Variants in KCNQ1OT1 observed in about 807,000 individuals in gnomAD.
KCNQ1OT1 encodes the protein KCNQ1 antisense RNA 2 (non-protein coding).
rs1002010868 is a variant in KCNQ1OT1 at position 2,621,992 on chromosome 11, T to C, written n.78003A>G. The C allele has an allele frequency of 1.8e-5, 7 of 398,300 alleles. No individual in the cohort carries two copies. Among genetic ancestry groups the C allele is most frequent in the African/African-American group, 1.4e-4 (7 of 48,622 alleles). 24.7% of individuals were successfully genotyped at this position (398,300 alleles called of 1,614,324 possible). On this transcript the variant is annotated non_coding_transcript_exon_variant, in exon 1 of 1. Coordinates refer to ENST00000597346, the Ensembl canonical transcript of KCNQ1OT1. The surrounding 1 kb of genome is among the most constrained non-coding windows in gnomAD (Gnocchi z 5.7). ...TTGAAATATCTCTTCTTTTTTAATG[T>C]AGGCAAGGCATTTATTGCTGTAAAC... is the stretch of plus-strand genomic sequence containing the variant.
chr11:2,620,948 GTT>G lies in KCNQ1OT1; in HGVS notation n.79045_79046del, dbSNP rs58203092. ...TTTTTTGTTGTTGTTGTTTTGTTTT[GTT>G]TTTTTTTGTCTGTTTTTTGCTTTTT... is the stretch of plus-strand genomic sequence containing the variant. On this transcript the variant is annotated non_coding_transcript_exon_variant, in exon 1 of 1. Coordinates refer to ENST00000597346, the Ensembl canonical transcript of KCNQ1OT1. The surrounding 1 kb of genome is among the most constrained non-coding windows in gnomAD (Gnocchi z 4.5). 2.9e-6 allele frequency: 1 copy of G among 343,498 alleles called. No homozygotes were observed. The highest frequency in any genetic ancestry group is 1.4e-4 in the South Asian group (1 of 7,082). 21.3% of individuals were successfully genotyped at this position (343,498 alleles called of 1,614,324 possible).
Position 2,661,610 on chromosome 11 carries a change from G to A in KCNQ1OT1, n.38385C>T. ...GTTGTCCCTTACCAGGCCTGTGCCTGTCACCTCTGTTTTATTCTTGACCCA... is the reference window on the plus strand; with the variant it reads ...GTTGTCCCTTACCAGGCCTGTGCCTATCACCTCTGTTTTATTCTTGACCCA... On this transcript the variant is annotated non_coding_transcript_exon_variant, in exon 1 of 1. Transcript: ENST00000597346. This position sits in a 1 kb window ranked among gnomAD's most constrained non-coding sequence, Gnocchi z 5.9. 2 of 581,674 alleles carry A rather than the reference G, an allele frequency of 3.4e-6. No individual in the cohort carries two copies. The highest frequency in any genetic ancestry group is 2.2e-5 in the South Asian group (1 of 44,802). The allele number at this position is 581,674 out of a possible 1,614,324, so 36.0% of individuals were successfully genotyped here.
Position 2,677,302 on chromosome 11 carries a change from C to A in KCNQ1OT1, n.22693G>T, listed in dbSNP as rs1467340805. ...ATCTTGTCAAAATAGGAGATTTCATCAAGTTAAAGAAAATGATGTCAAATG... is the reference window on the plus strand; with the variant it reads ...ATCTTGTCAAAATAGGAGATTTCATAAAGTTAAAGAAAATGATGTCAAATG... On this transcript the variant is annotated non_coding_transcript_exon_variant, in exon 1 of 1. Transcript: ENST00000597346. This position sits in a 1 kb window ranked among gnomAD's most constrained non-coding sequence, Gnocchi z 4.5. The A allele has an allele frequency of 2.5e-6, 1 of 398,434 alleles. No individual in the cohort carries two copies. Among genetic ancestry groups the A allele is most frequent in the Non-Finnish European group, 4.4e-6 (1 of 226,056 alleles). The allele number at this position is 398,434 out of a possible 1,614,324, so 24.7% of individuals were successfully genotyped here.
At chr11:2,630,631 T>A in exon 1 of KCNQ1OT1, 1 of 398,384 alleles carries the variant, frequency 2.5e-6, no homozygotes, top group Non-Finnish European at 4.4e-6. Context: ...ACCATTACAC[T>A]ATTAGAGTAT....
Position 2,686,250 on chromosome 11 carries a change from A to C in KCNQ1OT1, n.13745T>G, listed in dbSNP as rs1344040345. ...TTTAGGCCTTGGGATAGCACACAGC[A>C]AATGTCTGCCACCCCAGTACTGCCA... On this transcript the variant is annotated non_coding_transcript_exon_variant, in exon 1 of 1. Coordinates refer to ENST00000597346, the Ensembl canonical transcript of KCNQ1OT1. 1.0e-5 allele frequency: 4 copies of C among 398,642 alleles called. No homozygotes were observed. In the East Asian group the frequency reaches 1.4e-4, roughly 14 times the overall value. 24.7% of individuals were successfully genotyped at this position (398,642 alleles called of 1,614,324 possible). A position where few individuals can be genotyped will look rare whatever the true frequency, so the allele number is the denominator to read the frequency against.
At position 2,647,045 on chromosome 11, in the gene KCNQ1OT1, G is replaced by C. The variant is rs763116966; in HGVS notation, n.52950C>G. 2.5e-6 allele frequency: 1 copy of C among 398,528 alleles called. No individual in the cohort carries two copies. The highest frequency in any genetic ancestry group is 4.4e-6 in the Non-Finnish European group (1 of 226,044). 24.7% of individuals were successfully genotyped at this position (398,528 alleles called of 1,614,324 possible). A position where few individuals can be genotyped will look rare whatever the true frequency, so the allele number is the denominator to read the frequency against. ...CTGCTGAATAAGAATAGTGAAAGTG[G>C]GCATCCTTGTCTTGTTCTAGTTCTA... is the stretch of plus-strand genomic sequence containing the variant. On this transcript the variant is annotated non_coding_transcript_exon_variant, in exon 1 of 1. Coordinates refer to ENST00000597346, the Ensembl canonical transcript of KCNQ1OT1. This position sits in a 1 kb window ranked among gnomAD's most constrained non-coding sequence, Gnocchi z 4.0.
chr11:2,620,037 C>T lies in KCNQ1OT1; in HGVS notation n.79958G>A. 2.5e-6 allele frequency: 1 copy of T among 398,104 alleles called. No homozygotes were observed. Among genetic ancestry groups the T allele is most frequent in the South Asian group, 1.3e-4 (1 of 7,812 alleles). 24.7% of individuals were successfully genotyped at this position (398,104 alleles called of 1,614,324 possible). A position where few individuals can be genotyped will look rare whatever the true frequency, so the allele number is the denominator to read the frequency against. ...CTCCATTCCTCCCCCAAGTAGTCCC[C>T]AGTGTCTACTGATCATCTTTATGTC... On this transcript the variant is annotated non_coding_transcript_exon_variant, in exon 1 of 1. Transcript: ENST00000597346. The surrounding 1 kb of genome is among the most constrained non-coding windows in gnomAD (Gnocchi z 4.5).
rs537021544 is a variant in KCNQ1OT1 at position 2,663,079 on chromosome 11, A to G, written n.36916T>C. ...GAACTGGCAGGGTTGGGTAGCCAGA[A>G]TGAGGCCACCTCCAGGGAAGGAGTG... On this transcript the variant is annotated non_coding_transcript_exon_variant, in exon 1 of 1. Transcript: ENST00000597346. This position sits in a 1 kb window ranked among gnomAD's most constrained non-coding sequence, Gnocchi z 5.2. 3 of 398,708 alleles carry G rather than the reference A, an allele frequency of 7.5e-6. No homozygotes were observed. The Admixed American group carries it at 1.3e-4, about 18-fold the overall frequency. 24.7% of individuals were successfully genotyped at this position (398,708 alleles called of 1,614,324 possible).
chr11:2,697,914 C>T (rs2133900132), exon 1 of KCNQ1OT1: 1 of 398,628 alleles, frequency 2.5e-6, no homozygotes, highest in East Asian at 3.6e-5. Flanking sequence ...GAAACAGACC[C>T]ACTTTTCTCC....
exon 1 of KCNQ1OT1, chr11:2,699,771 G>T (rs998278640): frequency 5.0e-5 from 19 of 381,722 alleles, no homozygotes; most frequent in Non-Finnish European, 8.2e-5. Context: ...GCGCTGAGGA[G>T]CCCCGAGGAG....
Position 2,645,631 on chromosome 11 carries a change from C to T in KCNQ1OT1, n.54364G>A, listed in dbSNP as rs1849654397. 1 of 398,660 alleles carries T rather than the reference C, an allele frequency of 2.5e-6. No homozygotes were observed. Among genetic ancestry groups the T allele is most frequent in the Non-Finnish European group, 4.4e-6 (1 of 226,162 alleles). The allele number at this position is 398,660 out of a possible 1,614,324, so 24.7% of individuals were successfully genotyped here. Reference sequence around the variant, plus strand: ...GTGACTATGGGCAGGGTCACCTTTCCTCATGGCAGCCTTGCTTCGGAGGTA... The same window carrying T: ...GTGACTATGGGCAGGGTCACCTTTCTTCATGGCAGCCTTGCTTCGGAGGTA... On this transcript the variant is annotated non_coding_transcript_exon_variant, in exon 1 of 1. Coordinates refer to ENST00000597346, the Ensembl canonical transcript of KCNQ1OT1. The surrounding 1 kb of genome is among the most constrained non-coding windows in gnomAD (Gnocchi z 5.8).
chr11:2,676,220 A>G lies in KCNQ1OT1; in HGVS notation n.23775T>C, dbSNP rs1045698539. ...TACTTCTTTTTGAGCTGTACATACA[A>G]TGCTGATTTATTATGGTGCAGTACA... On this transcript the variant is annotated non_coding_transcript_exon_variant, in exon 1 of 1. Transcript: ENST00000597346. The surrounding 1 kb of genome is among the most constrained non-coding windows in gnomAD (Gnocchi z 4.2). 3 of 398,540 alleles carry G rather than the reference A, an allele frequency of 7.5e-6. No individual in the cohort carries two copies. The highest frequency in any genetic ancestry group is 1.3e-5 in the Non-Finnish European group (3 of 226,080). 24.7% of individuals were successfully genotyped at this position (398,540 alleles called of 1,614,324 possible).
Position 2,624,886 on chromosome 11 carries a change from G to C in KCNQ1OT1, n.75109C>G. ...ATTTCATTTAACATAATGGCCTCGA[G>C]GTTCATCCATGTTGTGGCATGTGTC... On this transcript the variant is annotated non_coding_transcript_exon_variant, in exon 1 of 1. Transcript: ENST00000597346. The surrounding 1 kb of genome is among the most constrained non-coding windows in gnomAD (Gnocchi z 4.9). The C allele has an allele frequency of 2.5e-6, 1 of 398,264 alleles. No homozygotes were observed. Among genetic ancestry groups the C allele is most frequent in the Non-Finnish European group, 4.4e-6 (1 of 226,014 alleles). 24.7% of individuals were successfully genotyped at this position (398,264 alleles called of 1,614,324 possible).
Position 2,663,260 on chromosome 11 carries a change from C to G in KCNQ1OT1, n.36735G>C, listed in dbSNP as rs1289175155. On this transcript the variant is annotated non_coding_transcript_exon_variant, in exon 1 of 1. Coordinates refer to ENST00000597346, the Ensembl canonical transcript of KCNQ1OT1. The surrounding 1 kb of genome is among the most constrained non-coding windows in gnomAD (Gnocchi z 5.2). ...TCACTGGAAAGCAGGGGTGACTAGT[C>G]ATGGACACCCTGAGAATAGGGCTCT... 1 of 398,716 alleles carries G rather than the reference C, an allele frequency of 2.5e-6. No individual in the cohort carries two copies. The allele number at this position is 398,716 out of a possible 1,614,324, so 24.7% of individuals were successfully genotyped here.
At chr11:2,699,652 C>CGAAGAACCCCCGGGGACAACCGCGCG (rs1850751876) in exon 1 of KCNQ1OT1, 2 of 357,294 alleles carry the variant, frequency 5.6e-6, no homozygotes, top group African/African-American at 2.1e-5. Context: ...ACAACCGCGC[C>CGAAGAACCCCCGGGGACAACCGCGCG]GAAGAACCCC....
In KCNQ1OT1 at chr11:2,645,274, G is replaced by A. The variant is rs190398573; in HGVS notation, n.54721C>T. The A allele has an allele frequency of 2.5e-6, 1 of 398,628 alleles. No homozygotes were observed. Among genetic ancestry groups the A allele is most frequent in the Non-Finnish European group, 4.4e-6 (1 of 226,246 alleles). 24.7% of individuals were successfully genotyped at this position (398,628 alleles called of 1,614,324 possible). ...GTGGTGGTAATGGTCAGTTGGGTAG[G>A]GCAGTCCTCAAGCCCCCAGGAGTGC... On this transcript the variant is annotated non_coding_transcript_exon_variant, in exon 1 of 1. Transcript: ENST00000597346. This position sits in a 1 kb window ranked among gnomAD's most constrained non-coding sequence, Gnocchi z 5.8.
exon 1 of KCNQ1OT1, chr11:2,648,548 A>G (rs911888212): frequency 2.5e-6 from 1 of 398,512 alleles, no homozygotes; most frequent in Middle Eastern, 6.3e-4. Flanking sequence ...ATTCAGGAAC[A>G]TGTAGTTTGA....
rs1849021045 is a variant in KCNQ1OT1, at chr11:2,614,000, T to C, written n.85995A>G. ...CATCCATTCACAGAGATCTTTCTCATTGCATTGCTAAAGTTGCATAGTATT... is the reference window on the plus strand; with the variant it reads ...CATCCATTCACAGAGATCTTTCTCACTGCATTGCTAAAGTTGCATAGTATT... On this transcript the variant is annotated non_coding_transcript_exon_variant, in exon 1 of 1. Coordinates refer to ENST00000597346, the Ensembl canonical transcript of KCNQ1OT1. This position sits in a 1 kb window ranked among gnomAD's most constrained non-coding sequence, Gnocchi z 4.8. The C allele has an allele frequency of 1.3e-5, 5 of 398,502 alleles. No homozygotes were observed. The highest frequency in any genetic ancestry group is 1.3e-5 in the Non-Finnish European group (3 of 226,064). 24.7% of individuals were successfully genotyped at this position (398,502 alleles called of 1,614,324 possible).
exon 1 of KCNQ1OT1, chr11:2,619,524 C>A (rs569301847): frequency 7.5e-6 from 3 of 398,420 alleles, no homozygotes; most frequent in African/African-American, 2.1e-5. Flanking sequence ...TCCACATAGA[C>A]ATGATATATA....
Sources: allele counts gnomAD v4.1 joint callset, GRCh38; gene constraint gnomAD v4.1.1; non-coding constraint Gnocchi (gnomAD v3.1); transcripts MANE v1.5; gene names NCBI Gene and HGNC (gene_info 2026-07-23, HGNC 2026-07-21).